The following ADCY9 variants were observed in gnomAD, a reference collection of about 807,000 sequenced individuals.
ADCY9 encodes adenylate cyclase 9.
Under a neutral mutation model 101.5 loss-of-function variants are expected in ADCY9, and 50 were observed. That is an observed-to-expected ratio of 0.49 (90% confidence interval 0.39 to 0.62). The LOEUF (loss-of-function observed/expected upper bound fraction) is 0.62. Ranked by LOEUF, ADCY9 falls within the 20% of genes least tolerant of loss-of-function variation. The pLI is 0.00. For synonymous variants in ADCY9, 905 were observed against 769.3 expected (o/e 1.18, Z -2.92); for missense variants, 1,662 against 1,800.4 (o/e 0.92, Z 1.39).
intron 2 of ADCY9, among the ~76,000 whole-genome samples, chr16:4,102,001 C>A (rs184390253): frequency 3.5e-4 from 53 of 152,234 alleles, no homozygotes; most frequent in African/African-American, 1.2e-3. Flanking sequence ...CTTTTTATTA[C>A]GAGAAACTGA....
At chr16:4,054,810 A>G (rs1597196191) in intron 2 of ADCY9, among the ~76,000 whole-genome samples, 1 of 152,078 alleles carries the variant, frequency 6.6e-6, no homozygotes, top group East Asian at 1.9e-4. Context: ...CTCGTGATCC[A>G]CCTGCCTCGA....
At chr16:4,031,965 C>G (rs953189769) in intron 2 of ADCY9, 6 of 151,704 alleles carry the variant, frequency 4.0e-5, no homozygotes, top group Admixed American at 6.6e-5. Context: ...AGCCAAACAC[C>G]CGACGCCAAG....
chr16:4,007,458 C>T lies in ADCY9; in HGVS notation c.1794G>A (p.Gln598=). ...CCTGTCCCCTAGGGCCTGAGGACAC[C>T]TGTGAGCCGTCAATGACCTCAAAGC... is the stretch of plus-strand genomic sequence containing the variant. ...LSGFEVIDGS[Q]VSSGPRGQGT... is the part of the protein sequence containing the mutation. Residue 598 remains glutamine (Q), a synonymous_variant, in exon 3 of 11, where the codon CAG becomes CAA. Transcript: ENST00000294016. 1 of 1,614,136 alleles carries T rather than the reference C, an allele frequency of 6.2e-7. No individual in the cohort carries two copies. Among genetic ancestry groups the T allele is most frequent in the Non-Finnish European group, 8.5e-7 (1 of 1,180,036 alleles).
intron 6 of ADCY9, among the ~76,000 whole-genome samples, chr16:3,985,467 A>G (rs560552664): frequency 6.6e-6 from 1 of 152,232 alleles, no homozygotes; most frequent in South Asian, 2.1e-4. Context: ...GACACTGCCC[A>G]TGCCCACTCA....
chr16:4,062,610 T>C (rs1172664688), intron 2 of ADCY9, among the ~76,000 whole-genome samples: 1 of 152,060 alleles, frequency 6.6e-6, no homozygotes, highest in African/African-American at 2.4e-5. Context: ...AGTACAGGAA[T>C]TCAAGGTTAT....
chr16:4,045,863 T>C (rs1362692630), intron 2 of ADCY9, among the ~76,000 whole-genome samples: 1 of 116,712 alleles, frequency 8.6e-6, no homozygotes. Context: ...CATGCTTTTT[T>C]TCTTTCTTTT....
intron 2 of ADCY9, among the ~76,000 whole-genome samples, chr16:4,025,570 G>A (rs1321055396): frequency 6.6e-6 from 1 of 152,124 alleles, no homozygotes; most frequent in Admixed American, 6.6e-5. Flanking sequence ...AGGTGGAGAA[G>A]GCACACGCGG....
chr16:4,003,485 G>T (rs554828137), intron 3 of ADCY9, among the ~76,000 whole-genome samples: 18 of 151,962 alleles, frequency 1.2e-4, no homozygotes, highest in Non-Finnish European at 2.5e-4. Context: ...ATCCCGAGAG[G>T]TCTCTTCCTT....
At chr16:4,029,990 G>A (rs1023069614) in intron 2 of ADCY9, among the ~76,000 whole-genome samples, 1 of 152,124 alleles carries the variant, frequency 6.6e-6, no homozygotes, top group Non-Finnish European at 1.5e-5. Flanking sequence ...AGTGACAAGC[G>A]CTGGTGAGGA....
At chr16:4,102,319 G>C (rs1472527004) in intron 2 of ADCY9, among the ~76,000 whole-genome samples, 1 of 152,090 alleles carries the variant, frequency 6.6e-6, no homozygotes, top group Non-Finnish European at 1.5e-5. Flanking sequence ...ATACAACCGA[G>C]AATTAAGCCC....
At chr16:4,081,185 C>T (rs1199500473) in intron 2 of ADCY9, among the ~76,000 whole-genome samples, 3 of 152,156 alleles carry the variant, frequency 2.0e-5, no homozygotes, top group East Asian at 1.9e-4. Flanking sequence ...ATTCCCTGCA[C>T]CTCACACACA....
intron 2 of ADCY9, among the ~76,000 whole-genome samples, chr16:4,110,537 A>G (rs383422): frequency 0.86 from 131,132 of 151,908 alleles, 57,203 homozygotes; most frequent in East Asian, 1. Flanking sequence ...TTACAGGCGC[A>G]CACCACCACA....
At chr16:4,108,477 G>A (rs192014099) in intron 2 of ADCY9, among the ~76,000 whole-genome samples, 2 of 133,956 alleles carry the variant, frequency 1.5e-5, no homozygotes, top group East Asian at 2.5e-4. Context: ...GGGTTCGAAC[G>A]ATTCTCCTGC....
intron 2 of ADCY9, among the ~76,000 whole-genome samples, chr16:4,028,894 C>T (rs1182839867): frequency 6.6e-6 from 1 of 151,910 alleles, no homozygotes; most frequent in African/African-American, 2.4e-5. Flanking sequence ...AAGCAATTCT[C>T]CTGCCTCAGT....
intron 2 of ADCY9, among the ~76,000 whole-genome samples, chr16:4,058,557 C>A (rs1597199585): frequency 6.6e-6 from 1 of 152,038 alleles, no homozygotes; most frequent in South Asian, 2.1e-4. Context: ...GCTACACTGA[C>A]TCTTGTTGAG....
intron 3 of ADCY9, among the ~76,000 whole-genome samples, chr16:3,999,562 T>C (rs2056315789): frequency 6.6e-6 from 1 of 152,168 alleles, no homozygotes; most frequent in Non-Finnish European, 1.5e-5. Flanking sequence ...CCTGTCCTCC[T>C]GGTTCTTCCA....
At chr16:3,958,904 A>T (rs1196180799), downstream of ADCY9, among the ~76,000 whole-genome samples, 3 of 151,104 alleles carry the variant, frequency 2.0e-5, no homozygotes, top group East Asian at 5.9e-4. Context: ...TTGACTCCTG[A>T]CCTCAGGTGA....
intron 2 of ADCY9, among the ~76,000 whole-genome samples, chr16:4,088,786 T>C (rs889059985): frequency 1.3e-5 from 2 of 152,076 alleles, no homozygotes; most frequent in African/African-American, 4.8e-5. Flanking sequence ...TTAATGTTGG[T>C]CTGGTAGGTT....
chr16:4,000,399 C>T (rs1406324656), intron 3 of ADCY9, among the ~76,000 whole-genome samples: 1 of 152,164 alleles, frequency 6.6e-6, no homozygotes, highest in Non-Finnish European at 1.5e-5. Context: ...CCTGTCAGTG[C>T]GGCAGAGCCA....
Sources: allele counts gnomAD v4.1 joint callset (sites outside exome capture counted in the v4.1 genomes callset), GRCh38; gene constraint gnomAD v4.1.1; transcripts MANE v1.5; gene names NCBI Gene and HGNC (gene_info 2026-07-23, HGNC 2026-07-21).